Variants in SCTR observed in about 807,000 individuals in gnomAD.
SCTR encodes the protein pancreatic secretin receptor.
In SCTR, 56 loss-of-function variants were observed where a neutral mutation model predicts 60.8. The observed-to-expected ratio is 0.92, with a 90% CI of 0.74 to 1.15. The LOEUF (loss-of-function observed/expected upper bound fraction) is 1.15. Among genes scored for constraint, SCTR ranks in the 50% most tolerant of loss-of-function variants. The pLI is 0.00. For missense variants in SCTR, 562 were observed against 550.4 expected, an observed-to-expected ratio of 1.02 and a Z score of -0.21; for synonymous variants, 202 against 217.0, an observed-to-expected ratio of 0.93 and a Z score of 0.61.
At chr2:119,513,412 T>A (rs1328641142) in intron 1 of SCTR, among the ~76,000 whole-genome samples, 1 of 152,196 alleles carries the variant, frequency 6.6e-6, no homozygotes, top group African/African-American at 2.4e-5. Flanking sequence ...TTTAAAAAAA[T>A]TCCTCAAAAA....
At chr2:119,500,961 T>C (rs181127597) in intron 1 of SCTR, among the ~76,000 whole-genome samples, 3 of 152,352 alleles carry the variant, frequency 2.0e-5, no homozygotes, top group Admixed American at 2.0e-4. Flanking sequence ...TTACAAATTA[T>C]ATGAATGTAT....
At chr2:119,476,759 C>T (rs2104842429) in intron 3 of SCTR, 1 of 152,650 alleles carries the variant, frequency 6.6e-6, no homozygotes, top group Non-Finnish European at 1.5e-5. Flanking sequence ...AGAAGAGCTT[C>T]GAGTCCTTTC....
chr2:119,457,782 G>A (rs1203803943), intron 7 of SCTR, among the ~76,000 whole-genome samples: 1 of 152,138 alleles, frequency 6.6e-6, no homozygotes, highest in Non-Finnish European at 1.5e-5. Flanking sequence ...GCTTCAAACA[G>A]ACAAATCAAG....
intron 1 of SCTR, among the ~76,000 whole-genome samples, chr2:119,515,103 T>G (rs1009121925): frequency 3.3e-5 from 5 of 152,222 alleles, no homozygotes; most frequent in African/African-American, 1.2e-4. Flanking sequence ...GCACCTACTA[T>G]ATGCTTAGCA....
At chr2:119,504,805 G>A (rs1678678204) in intron 1 of SCTR, among the ~76,000 whole-genome samples, 2 of 152,066 alleles carry the variant, frequency 1.3e-5, no homozygotes, top group South Asian at 4.1e-4. Flanking sequence ...CGGAGAAAAT[G>A]TTTACAAACT....
At chr2:119,461,137 T>A (rs577915903) in intron 7 of SCTR, among the ~76,000 whole-genome samples, 1 of 152,230 alleles carries the variant, frequency 6.6e-6, no homozygotes, top group Non-Finnish European at 1.5e-5. Flanking sequence ...TGGTGATCAC[T>A]GGACTTTTCA....
chr2:119,520,101 T>TA, intron 1 of SCTR, among the ~76,000 whole-genome samples: 1 of 152,182 alleles, frequency 6.6e-6, no homozygotes, highest in Non-Finnish European at 1.5e-5. Flanking sequence ...TCAGGGATAA[T>TA]AAAAATCTCA....
chr2:119,452,476 C>A (rs2104775188), intron 8 of SCTR, among the ~76,000 whole-genome samples: 1 of 152,290 alleles, frequency 6.6e-6, no homozygotes, highest in Non-Finnish European at 1.5e-5. Flanking sequence ...GGGTACTGAG[C>A]AAACTGGGGA....
rs1249223781 is a variant in SCTR at position 119,461,918 on chromosome 2, A to G, written c.719T>C (p.Leu240Pro). 1.2e-6 allele frequency: 2 copies of G among 1,613,808 alleles called. No homozygotes were observed. Among genetic ancestry groups the G allele is most frequent in the Non-Finnish European group, 8.5e-7 (1 of 1,179,940 alleles). ...GAAGGAGATGGCGAGGAGTGTGTGA[A>G]GGTAGAGGCCTTCCACCAGCAGCCA... ...YSWLLVEGLY[L>P]HTLLAISFFS... The change falls in exon 7 of 13, where the codon CTT becomes CCT. Residue 240 changes from leucine (L) to proline (P), a missense_variant. Leu to Pro is a moderately conservative substitution (Grantham distance 98, BLOSUM62 -3). Transcript: ENST00000019103.
chr2:119,499,566 A>C (rs1678462620), intron 1 of SCTR, among the ~76,000 whole-genome samples: 1 of 152,084 alleles, frequency 6.6e-6, no homozygotes, highest in African/African-American at 2.4e-5. Context: ...CAGAAAGAAA[A>C]ATGGAAAATC....
intron 1 of SCTR, among the ~76,000 whole-genome samples, chr2:119,509,740 A>G (rs1366219594): frequency 6.6e-6 from 1 of 152,144 alleles, no homozygotes; most frequent in Non-Finnish European, 1.5e-5. Context: ...ATGTTGTGCA[A>G]CCATCCCCAG....
At chr2:119,451,290 C>T (rs1321075400) in intron 9 of SCTR, among the ~76,000 whole-genome samples, 1 of 152,244 alleles carries the variant, frequency 6.6e-6, no homozygotes, top group African/African-American at 2.4e-5. Flanking sequence ...GCCTTCCCTC[C>T]TCTGTCCCCC....
At chr2:119,478,761 G>C in intron 3 of SCTR, 50 bp downstream of exon 3, 1 of 1,588,494 alleles carries the variant, frequency 6.3e-7, no homozygotes. Context: ...GCCCCACCCA[G>C]AGGGACACCC....
chr2:119,476,327 G>T (rs2579655), intron 3 of SCTR: 1 of 152,090 alleles, frequency 6.6e-6, no homozygotes, highest in Non-Finnish European at 1.5e-5. Flanking sequence ...CCCAGGCTGG[G>T]TATGAACAAC....
At chr2:119,455,844 A>G (rs1459002136) in intron 7 of SCTR, among the ~76,000 whole-genome samples, 7 of 152,178 alleles carry the variant, frequency 4.6e-5, no homozygotes, top group Non-Finnish European at 1.0e-4. Context: ...GAAAGACATG[A>G]ATTTTCAGAT....
chr2:119,458,394 G>A (rs572946632), intron 7 of SCTR, among the ~76,000 whole-genome samples: 1 of 151,966 alleles, frequency 6.6e-6, no homozygotes, highest in East Asian at 1.9e-4. Context: ...GAGGTCAGGA[G>A]ATTGAGACCA....
chr2:119,473,165 C>A (rs576265516), intron 4 of SCTR, among the ~76,000 whole-genome samples: 1 of 152,286 alleles, frequency 6.6e-6, no homozygotes, highest in South Asian at 2.1e-4. Context: ...GCGTCTCTTT[C>A]AGTTGAATGA....
intron 1 of SCTR, among the ~76,000 whole-genome samples, chr2:119,517,068 C>A (rs1185978941): frequency 1.3e-5 from 2 of 152,150 alleles, no homozygotes; most frequent in African/African-American, 4.8e-5. Context: ...CACATGCACA[C>A]AAATGGTAAC....
chr2:119,519,138 A>G (rs1679207222), intron 1 of SCTR, among the ~76,000 whole-genome samples: 1 of 151,958 alleles, frequency 6.6e-6, no homozygotes, highest in Admixed American at 6.6e-5. Context: ...ATTTTTTTGT[A>G]CTTTTAGTAA....
Sources: allele counts gnomAD v4.1 joint callset (sites outside exome capture counted in the v4.1 genomes callset), GRCh38; gene constraint gnomAD v4.1.1; transcripts MANE v1.5; gene names NCBI Gene and HGNC (gene_info 2026-07-23, HGNC 2026-07-21).